Variants in RPAP3 observed in about 807,000 individuals in gnomAD.
The protein encoded by RPAP3 is RNA polymerase II-associated protein 3.
Under a neutral mutation model 88.8 loss-of-function variants are expected in RPAP3, and 58 were observed. The ratio of observed to expected loss-of-function variants is 0.65; its 90% CI spans 0.53 to 0.81. The LOEUF is 0.81. Among genes scored for constraint, RPAP3 ranks in the 40% least tolerant of loss-of-function variants. The pLI, the probability that RPAP3 is intolerant of heterozygous loss-of-function variation, is 0.00. For synonymous variants in RPAP3, 255 were observed against 259.9 expected (o/e 0.98, Z 0.18); for missense variants, 751 against 764.3 (o/e 0.98, Z 0.20).
At chr12:47,697,060 C>G (rs1021920510) in intron 4 of RPAP3, among the ~76,000 whole-genome samples, 15 of 152,142 alleles carry the variant, frequency 9.9e-5, no homozygotes, top group African/African-American at 3.6e-4. Flanking sequence ...CAAAAAAAAG[C>G]ATCAAGAGTT....
intron 5 of RPAP3, 40 bp downstream of exon 5, chr12:47,696,236 T>C: frequency 6.9e-7 from 1 of 1,459,232 alleles, no homozygotes. Flanking sequence ...CATATATACA[T>C]AAGACATTCA....
rs763583598 is a variant in RPAP3 at position 47,696,305 on chromosome 12, G to C, written c.516C>G (p.Asn172Lys). The change falls in exon 5 of 17, where the codon AAC becomes AAG. Residue 172 changes from asparagine to lysine, a missense_variant. By Grantham distance (94) the Asn-to-Lys change is moderately conservative. Coordinates refer to ENST00000005386, the MANE Select transcript of RPAP3 (RefSeq NM_024604.3). ...TCAGTCTAAAATATGCTGACGCTCT[G>C]TTCGTTGGCAACACGGGATTATATG... ...ADPYNPVLPT[N>K]RASAYFRLKK... 27 of 1,582,188 alleles carry C rather than the reference G, an allele frequency of 1.7e-5. No individual in the cohort carries two copies. In the South Asian group the frequency reaches 3.2e-4, roughly 19 times the overall value.
chr12:47,700,935 G>A (rs1939642537), intron 3 of RPAP3, among the ~76,000 whole-genome samples: 1 of 152,186 alleles, frequency 6.6e-6, no homozygotes, highest in South Asian at 2.1e-4. Flanking sequence ...ACTGTTTAGG[G>A]GTTAGAGAAG....
chr12:47,686,987 G>A, intron 8 of RPAP3, 80 bp from the exon 9 acceptor site: 7 of 807,264 alleles, frequency 8.7e-6, no homozygotes, highest in Middle Eastern at 2.5e-4. Context: ...ATGAAACACT[G>A]CAAGGATATT....
intron 8 of RPAP3, among the ~76,000 whole-genome samples, chr12:47,687,372 G>A (rs1437146851): frequency 3.9e-5 from 6 of 151,998 alleles, no homozygotes; most frequent in Admixed American, 2.0e-4. Context: ...AGCTGTATTG[G>A]AATTTGTATA....
At chr12:47,693,993 T>A (rs1939476342) in intron 5 of RPAP3, among the ~76,000 whole-genome samples, 1 of 152,202 alleles carries the variant, frequency 6.6e-6, no homozygotes, top group Non-Finnish European at 1.5e-5. Flanking sequence ...AAACATACAA[T>A]ATGATTCTCT....
At chr12:47,690,662 T>C (rs1314021383) in intron 5 of RPAP3, 23 bp from the exon 6 acceptor site, 1 of 1,402,604 alleles carries the variant, frequency 7.1e-7, no homozygotes, top group African/African-American at 1.5e-5. Context: ...AACATTAAAA[T>C]AAATAAAGTT....
intron 13 of RPAP3, among the ~76,000 whole-genome samples, chr12:47,669,586 G>C (rs937774141): frequency 6.6e-6 from 1 of 152,128 alleles, no homozygotes; most frequent in Admixed American, 6.5e-5. Flanking sequence ...CAGGTTTGTT[G>C]AGTGGCAATG....
rs1324257251 is a variant in RPAP3 at position 47,697,702 on chromosome 12, CTCA to C, written c.309_311del (p.Asp103del). On this transcript the variant is annotated inframe_deletion, in exon 4 of 17. Transcript: ENST00000005386. ...CATGGGTACTATCGTCTTTGTCAAG[CTCA>C]TCAAGGATACGGTCCTAAAATCAAA... 6.2e-7 allele frequency: 1 copy of C among 1,602,930 alleles called. No individual in the cohort carries two copies. The highest frequency in any genetic ancestry group is 8.5e-7 in the Non-Finnish European group (1 of 1,176,246).
chr12:47,669,984 A>T, intron 13 of RPAP3, 123 bp downstream of exon 13: 1 of 633,436 alleles, frequency 1.6e-6, no homozygotes, highest in East Asian at 2.7e-5. Flanking sequence ...AAAGCTAGAA[A>T]CTTAAGTTAG....
rs151225713 is a variant in RPAP3, at chr12:47,697,671, G to A, written c.343C>T (p.Leu115=). 5 of 1,609,826 alleles carry A rather than the reference G, an allele frequency of 3.1e-6. No individual in the cohort carries two copies. In the African/African-American group the frequency reaches 5.3e-5, roughly 17 times the overall value. ...LDKDDSTHES[L]SQESESEEDG... ...TCTTCCGACTCTGATTCTTGAGACA[G>A]AGACTCATGGGTACTATCGTCTTTG... The change falls in exon 4 of 17, where the codon CTG becomes TTG. Residue 115 remains leucine, a synonymous_variant. Transcript: ENST00000005386.
At chr12:47,702,452 G>A (rs143547916) in intron 2 of RPAP3, among the ~76,000 whole-genome samples, 9,145 of 152,048 alleles carry the variant, frequency 0.06, 350 homozygotes, top group Middle Eastern at 0.12. Context: ...TACTCAGGAG[G>A]CTAAGGCAGG....
chr12:47,697,688 T>C lies in RPAP3; in HGVS notation c.326A>G (p.Asp109Gly), dbSNP rs994992515. Residue 109 changes from aspartate (D) to glycine (G), a missense_variant, in exon 4 of 17, where the codon GAT becomes GGT. Coordinates refer to ENST00000005386, the MANE Select transcript of RPAP3 (RefSeq NM_024604.3). ...DRILDELDKDDSTHESLSQES... is the reference protein window; with the variant it reads ...DRILDELDKDGSTHESLSQES... ...TTGAGACAGAGACTCATGGGTACTA[T>C]CGTCTTTGTCAAGCTCATCAAGGAT... The C allele has an allele frequency of 8.7e-6, 14 of 1,607,552 alleles. No homozygotes were observed. Among genetic ancestry groups the C allele is most frequent in the South Asian group, 1.1e-5 (1 of 89,388 alleles).
intron 5 of RPAP3, among the ~76,000 whole-genome samples, chr12:47,692,979 A>G (rs1939457315): frequency 6.6e-6 from 1 of 152,138 alleles, no homozygotes; most frequent in African/African-American, 2.4e-5. Flanking sequence ...TCCTGGGCTC[A>G]AGTGATTTTC....
At chr12:47,685,378 CA>C (rs11416118) in intron 9 of RPAP3, among the ~76,000 whole-genome samples, 23,219 of 130,340 alleles carry the variant, frequency 0.18, 2,153 homozygotes, top group Admixed American at 0.33. Flanking sequence ...GACTCTGTCT[CA>C]AAAAAAAAAA....
chr12:47,679,461 T>C lies in RPAP3; in HGVS notation c.1287+32A>G, dbSNP rs1280480197. 3.6e-6 allele frequency: 5 copies of C among 1,395,630 alleles called. No individual in the cohort carries two copies. The South Asian group carries it at 6.3e-5, about 18-fold the overall frequency. 86.5% of individuals were successfully genotyped at this position (1,395,630 alleles called of 1,614,324 possible). On this transcript the variant is annotated intron_variant, in intron 12 of 16. Coordinates refer to ENST00000005386, the MANE Select transcript of RPAP3 (RefSeq NM_024604.3). ...ATTCTCCTATTACAACATATTTAAA[T>C]GGCAAGGAAAAAATGAAAGTGCTTT...
At chr12:47,672,802 T>C (rs890267562) in intron 12 of RPAP3, among the ~76,000 whole-genome samples, 1 of 152,204 alleles carries the variant, frequency 6.6e-6, no homozygotes, top group African/African-American at 2.4e-5. Context: ...TAAATTCACA[T>C]TGTATTTTCA....
Position 47,667,855 on chromosome 12 carries a change from G to GAA in RPAP3, c.1714-6_1714-5dup. 1.3e-6 allele frequency: 2 copies of GAA among 1,517,846 alleles called. No homozygotes were observed. The highest frequency in any genetic ancestry group is 1.8e-6 in the Non-Finnish European group (2 of 1,113,194). The allele number at this position is 1,517,846 out of a possible 1,614,324, so 94.0% of individuals were successfully genotyped here. On this transcript the variant is annotated splice_region_variant and splice_polypyrimidine_tract_variant and intron_variant, in intron 14 of 16. Coordinates refer to ENST00000005386, the MANE Select transcript of RPAP3 (RefSeq NM_024604.3). ...GATACAAAGATGGTTCAATTTGCTT[G>GAA]AAAAAAAAATAAAAAGACAATTACT...
At chr12:47,705,243 G>C (rs1461124359) in intron 1 of RPAP3, among the ~76,000 whole-genome samples, 1 of 152,160 alleles carries the variant, frequency 6.6e-6, no homozygotes, top group Non-Finnish European at 1.5e-5. Context: ...ATTTGTTTAG[G>C]ACAGTGAAAA....
Sources: gnomAD v4.1 joint callset for allele counts (sites outside exome capture counted in the v4.1 genomes callset) on GRCh38, gnomAD v4.1.1 for gene constraint, MANE v1.5 for transcripts, NCBI Gene and HGNC (gene_info 2026-07-23, HGNC 2026-07-21) for gene names.